Variants in RAB39B observed in about 807,000 individuals in gnomAD.
RAB39B encodes the protein ras-related protein Rab-39B.
For missense variants in RAB39B, 68 were observed against 171.3 expected, an observed-to-expected ratio of 0.40 and a Z score of 3.37; for synonymous variants, 63 against 67.5, an observed-to-expected ratio of 0.93 and a Z score of 0.33.
At position 155,260,148 on chromosome X, in the gene RAB39B, A is replaced by G. The variant is rs1557314132; in HGVS notation, c.*655T>C. On this transcript the variant is annotated 3_prime_UTR_variant, in exon 2 of 2. Transcript: ENST00000369454. ...GGACAATTTGTTTCATACAGCTGGT[A>G]ATTCTATCACAAGGGTGTTCATTTT... 8.9e-6 allele frequency: 1 copy of G among 112,658 alleles called. No individual in the cohort carries two copies. Among genetic ancestry groups the G allele is most frequent in the Admixed American group, 9.3e-5 (1 of 10,742 alleles). The allele number at this position is 112,658 out of a possible 1,213,427, so 9.3% of individuals were successfully genotyped here. A position where few individuals can be genotyped will look rare whatever the true frequency, so the allele number is the denominator to read the frequency against.
rs782582529 is a variant in RAB39B at position 155,259,861 on chromosome X, T to C, written c.*942A>G. On this transcript the variant is annotated 3_prime_UTR_variant, in exon 2 of 2. Coordinates refer to ENST00000369454, the MANE Select transcript of RAB39B (RefSeq NM_171998.4). ...AAACCTCGTAGGCCTGTTATGATGA[T>C]CAAATAAGTAGCCCAAGTAACTGTA... 1 of 111,934 alleles carries C rather than the reference T, an allele frequency of 8.9e-6. No homozygotes were observed. The highest frequency in any genetic ancestry group is 3.2e-5 in the African/African-American group (1 of 30,807). 9.2% of individuals were successfully genotyped at this position (111,934 alleles called of 1,213,427 possible).
chrX:155,260,692 A>G lies in RAB39B; in HGVS notation c.*111T>C. ...CAGAGTCCCCCTGAGAGGGAGGCTCACTTGGTATCCAAATGGAGGTTGAGT... is the reference window on the plus strand; with the variant it reads ...CAGAGTCCCCCTGAGAGGGAGGCTCGCTTGGTATCCAAATGGAGGTTGAGT... On this transcript the variant is annotated 3_prime_UTR_variant, in exon 2 of 2. Coordinates refer to ENST00000369454, the MANE Select transcript of RAB39B (RefSeq NM_171998.4). 2 of 833,993 alleles carry G rather than the reference A, an allele frequency of 2.4e-6. No individual in the cohort carries two copies. Among genetic ancestry groups the G allele is most frequent in the East Asian group, 6.3e-5 (2 of 31,907 alleles). The allele number at this position is 833,993 out of a possible 1,213,427, so 68.7% of individuals were successfully genotyped here. A position where few individuals can be genotyped will look rare whatever the true frequency, so the allele number is the denominator to read the frequency against.
At chrX:155,262,207 T>A (rs911820959) in intron 1 of RAB39B, among the ~76,000 whole-genome samples, 2 of 112,115 alleles carry the variant, frequency 1.8e-5, no homozygotes, top group Admixed American at 1.9e-4. Context: ...TATTTTTAGG[T>A]TTTCTGTCTC....
rs782604009 is a variant in RAB39B, at chrX:155,260,766, C to A, written c.*37G>T. 20 of 1,149,787 alleles carry A rather than the reference C, an allele frequency of 1.7e-5. No individual in the cohort carries two copies. In the Admixed American group the frequency reaches 2.4e-4, roughly 14 times the overall value. The allele number at this position is 1,149,787 out of a possible 1,213,427, so 94.8% of individuals were successfully genotyped here. On this transcript the variant is annotated 3_prime_UTR_variant, in exon 2 of 2. Coordinates refer to ENST00000369454, the MANE Select transcript of RAB39B (RefSeq NM_171998.4). ...TATTTATTTCTCTTACTTTTCAGTTCAAGTAGGAGAGCATGTTTTGGAAAT... is the reference window on the plus strand; with the variant it reads ...TATTTATTTCTCTTACTTTTCAGTTAAAGTAGGAGAGCATGTTTTGGAAAT...
intron 1 of RAB39B, among the ~76,000 whole-genome samples, chrX:155,261,668 G>C (rs2074854263): frequency 9.0e-6 from 1 of 111,614 alleles, no homozygotes; most frequent in Admixed American, 9.5e-5. Context: ...ATATTAAAGT[G>C]TTCTGTGACG....
In RAB39B at chrX:155,264,132, C is replaced by G; in HGVS notation, c.157G>C (p.Glu53Gln). ...VDFFSRLVEIEPGKRIKLQIW... is the reference protein window; with the variant it reads ...VDFFSRLVEIQPGKRIKLQIW... ...TGGAGCTTGATGCGTTTTCCTGGCT[C>G]GATCTCCACCAAGCGGGAGAAAAAA... The change falls in exon 1 of 2, where the codon GAG becomes CAG. Residue 53 changes from glutamate (E) to glutamine (Q), a missense_variant. By Grantham distance (29) the Glu-to-Gln change is conservative (BLOSUM62 2). Transcript: ENST00000369454. The G allele has an allele frequency of 8.3e-7, 1 of 1,210,669 alleles. No individual in the cohort carries two copies. The highest frequency in any genetic ancestry group is 1.1e-6 in the Non-Finnish European group (1 of 895,024).
At position 155,264,450 on chromosome X, in the gene RAB39B, G is replaced by A. The variant is rs891886041; in HGVS notation, c.-162C>T. The A allele has an allele frequency of 3.6e-5, 17 of 468,738 alleles. No homozygotes were observed. The highest frequency in any genetic ancestry group is 6.2e-5 in the Non-Finnish European group (17 of 272,149). 38.6% of individuals were successfully genotyped at this position (468,738 alleles called of 1,213,427 possible). A position where few individuals can be genotyped will look rare whatever the true frequency, so the allele number is the denominator to read the frequency against. On this transcript the variant is annotated 5_prime_UTR_variant, in exon 1 of 2. Transcript: ENST00000369454. The stretch of plus-strand genomic sequence containing the variant: ...GGTAGGCCCAGGCGCCGGGAGAGCG[G>A]AGGGATGGATGCTGCGCTCGCAAAG...
rs1026096444 is a variant in RAB39B, at chrX:155,259,306, T to G, written c.*1497A>C. 5.4e-5 allele frequency: 6 copies of G among 111,796 alleles called. No homozygotes were observed. Among genetic ancestry groups the G allele is most frequent in the Non-Finnish European group, 7.5e-5 (4 of 53,173 alleles). 9.2% of individuals were successfully genotyped at this position (111,796 alleles called of 1,213,427 possible). ...GAAACTTCAAGCCAGCCATTCCAATTTGCTGATGCAGTTAGCTGTTTGTTC... is the reference window on the plus strand; with the variant it reads ...GAAACTTCAAGCCAGCCATTCCAATGTGCTGATGCAGTTAGCTGTTTGTTC... On this transcript the variant is annotated 3_prime_UTR_variant, in exon 2 of 2. Transcript: ENST00000369454.
At chrX:155,262,660 A>C (rs2074857304) in intron 1 of RAB39B, among the ~76,000 whole-genome samples, 1 of 112,315 alleles carries the variant, frequency 8.9e-6, no homozygotes, top group Non-Finnish European at 1.9e-5. Context: ...ATCTTAAATA[A>C]TGTGAAAAGA....
Position 155,259,034 on chromosome X carries a change from G to C in RAB39B, c.*1769C>G, listed in dbSNP as rs1344785053. 1 of 112,033 alleles carries C rather than the reference G, an allele frequency of 8.9e-6. No individual in the cohort carries two copies. Among genetic ancestry groups the C allele is most frequent in the Non-Finnish European group, 1.9e-5 (1 of 53,214 alleles). The allele number at this position is 112,033 out of a possible 1,213,427, so 9.2% of individuals were successfully genotyped here. A position where few individuals can be genotyped will look rare whatever the true frequency, so the allele number is the denominator to read the frequency against. On this transcript the variant is annotated 3_prime_UTR_variant, in exon 2 of 2. Coordinates refer to ENST00000369454, the MANE Select transcript of RAB39B (RefSeq NM_171998.4). ...AGTCTTCCATAATTTTCATGATTTG[G>C]TTTCTTTATTCTGGCTAAAGCAAAT... is the stretch of plus-strand genomic sequence containing the variant.
intron 1 of RAB39B, among the ~76,000 whole-genome samples, chrX:155,262,939 CTT>C (rs1422754028): frequency 8.9e-6 from 1 of 112,357 alleles, no homozygotes; most frequent in Non-Finnish European, 1.9e-5. Flanking sequence ...CTGGAGGTAA[CTT>C]AAGTTTGTAA....
At position 155,260,723 on chromosome X, in the gene RAB39B, T is replaced by A; in HGVS notation, c.*80A>T. On this transcript the variant is annotated 3_prime_UTR_variant, in exon 2 of 2. Transcript: ENST00000369454. ...TATCCAAATGGAGGTTGAGTTCTCA[T>A]CAGTTACACAAAGATTCTATTTATT... The A allele has an allele frequency of 9.8e-7, 1 of 1,016,597 alleles. No homozygotes were observed. Among genetic ancestry groups the A allele is most frequent in the Non-Finnish European group, 1.4e-6 (1 of 719,848 alleles). 83.8% of individuals were successfully genotyped at this position (1,016,597 alleles called of 1,213,427 possible). A position where few individuals can be genotyped will look rare whatever the true frequency, so the allele number is the denominator to read the frequency against.
Sources: gnomAD v4.1 joint callset for allele counts (sites outside exome capture counted in the v4.1 genomes callset) on GRCh38, gnomAD v4.1.1 for gene constraint, MANE v1.5 for transcripts, NCBI Gene and HGNC (gene_info 2026-07-23, HGNC 2026-07-21) for gene names.